ITFG1: variants seen among roughly 807,000 people sequenced by gnomAD.
ITFG1 encodes T-cell immunomodulatory protein.
Under a neutral mutation model 81.8 loss-of-function variants are expected in ITFG1, and 34 were observed. The ratio of observed to expected loss-of-function variants is 0.42; its 90% CI spans 0.32 to 0.55. The LOEUF is 0.55. Among genes scored for constraint, ITFG1 ranks in the 20% least tolerant of loss-of-function variants. ITFG1 has a pLI of 0.17. For synonymous variants in ITFG1, 285 were observed against 270.6 expected (o/e 1.05, Z -0.52); for missense variants, 672 against 755.4 (o/e 0.89, Z 1.29).
intron 10 of ITFG1, among the ~76,000 whole-genome samples, chr16:47,275,706 T>C (rs1966391160): frequency 6.6e-6 from 1 of 152,164 alleles, no homozygotes; most frequent in Non-Finnish European, 1.5e-5. Context: ...CATATATGTA[T>C]ATTTTAACTT....
At chr16:47,405,490 A>G (rs1490202077) in intron 6 of ITFG1, among the ~76,000 whole-genome samples, 1 of 152,208 alleles carries the variant, frequency 6.6e-6, no homozygotes, top group Non-Finnish European at 1.5e-5. Context: ...TTTGTTTAAG[A>G]GCCAATGAAA....
rs550478549 is a variant in ITFG1, at chr16:47,399,441, C to T, written c.656-23501G>A. 3.9e-5 allele frequency among the ~76,000 whole-genome samples: 6 copies of T among 152,218 alleles called. No homozygotes were observed. In the East Asian group the frequency reaches 1.2e-3, roughly 29 times the overall value. On this transcript the variant is annotated intron_variant, in intron 6 of 17. Transcript: ENST00000320640. ...ACAAACAATTAGCCGGGCGTGTTGGCGGGCATCTGTAGTCCCAGCTACTCA... is the reference window on the plus strand; with the variant it reads ...ACAAACAATTAGCCGGGCGTGTTGGTGGGCATCTGTAGTCCCAGCTACTCA...
At chr16:47,316,385 A>T (rs893919292) in intron 8 of ITFG1, among the ~76,000 whole-genome samples, 3 of 152,026 alleles carry the variant, frequency 2.0e-5, no homozygotes, top group African/African-American at 4.8e-5. Flanking sequence ...TTTGAAACAA[A>T]TTTTTTTCGG....
chr16:47,432,864 A>G (rs995374125), intron 5 of ITFG1, among the ~76,000 whole-genome samples: 4 of 152,242 alleles, frequency 2.6e-5, no homozygotes, highest in African/African-American at 9.6e-5. Flanking sequence ...AGTATTTTAA[A>G]TTACTAACAA....
intron 6 of ITFG1, among the ~76,000 whole-genome samples, chr16:47,412,694 T>G: frequency 3.1e-5 from 1 of 32,020 alleles, no homozygotes; most frequent in South Asian, 1.7e-3. Context: ...AGACTCTGTC[T>G]CAAAAAAAAA....
chr16:47,388,559 T>C (rs1968491500), intron 6 of ITFG1, among the ~76,000 whole-genome samples: 2 of 152,026 alleles, frequency 1.3e-5, no homozygotes, highest in Admixed American at 1.3e-4. Context: ...ATACTCCAAA[T>C]GACGGAAGAA....
At chr16:47,336,898 G>A (rs1040596990) in intron 8 of ITFG1, among the ~76,000 whole-genome samples, 2 of 151,676 alleles carry the variant, frequency 1.3e-5, no homozygotes, top group African/African-American at 4.8e-5. Context: ...AGGAGGCGGA[G>A]GTTGCAGTGA....
intron 14 of ITFG1, among the ~76,000 whole-genome samples, chr16:47,200,445 C>T (rs570960801): frequency 7.9e-5 from 12 of 152,230 alleles, no homozygotes; most frequent in African/African-American, 2.9e-4. Flanking sequence ...CAGATATTAA[C>T]AAAAGTGATG....
At chr16:47,406,939 G>GT (rs1382336096) in intron 6 of ITFG1, among the ~76,000 whole-genome samples, 1 of 152,132 alleles carries the variant, frequency 6.6e-6, no homozygotes, top group Non-Finnish European at 1.5e-5. Flanking sequence ...AAGTCCTAAG[G>GT]TTGGACCTTG....
chr16:47,192,911 C>T (rs916078859), intron 14 of ITFG1, among the ~76,000 whole-genome samples: 2 of 152,168 alleles, frequency 1.3e-5, no homozygotes, highest in African/African-American at 4.8e-5. Context: ...GTCTCATTCT[C>T]AGTCTCTAGC....
intron 5 of ITFG1, among the ~76,000 whole-genome samples, chr16:47,431,297 A>G (rs1050634805): frequency 5.3e-5 from 8 of 152,216 alleles, no homozygotes; most frequent in African/African-American, 1.9e-4. Flanking sequence ...GCAAGTGAGC[A>G]TCACCTCATG....
chr16:47,158,569 T>G (rs930408969), intron 17 of ITFG1, among the ~76,000 whole-genome samples: 2 of 152,222 alleles, frequency 1.3e-5, no homozygotes, highest in African/African-American at 4.8e-5. Flanking sequence ...ATTTTTCAGG[T>G]CATTATGAAA....
chr16:47,440,952 A>G (rs984995061), intron 5 of ITFG1, among the ~76,000 whole-genome samples: 3 of 152,198 alleles, frequency 2.0e-5, no homozygotes, highest in African/African-American at 7.2e-5. Context: ...AGACTAATAA[A>G]GAAGAAAAGA....
intron 14 of ITFG1, among the ~76,000 whole-genome samples, chr16:47,210,169 A>G (rs1201980165): frequency 6.6e-6 from 1 of 152,228 alleles, no homozygotes; most frequent in African/African-American, 2.4e-5. Context: ...CACAAGCAAT[A>G]TATAAGTGAT....
At chr16:47,203,319 A>G (rs1166339025) in intron 14 of ITFG1, among the ~76,000 whole-genome samples, 2 of 152,198 alleles carry the variant, frequency 1.3e-5, no homozygotes, top group African/African-American at 4.8e-5. Flanking sequence ...GGCACCAGGA[A>G]CTGGTTTTGT....
intron 14 of ITFG1, among the ~76,000 whole-genome samples, chr16:47,166,763 G>GCGAACATC (rs1555501697): frequency 4.9e-3 from 5 of 1,024 alleles, no homozygotes; most frequent in African/African-American, 0.016. Context: ...GAATGCTTTA[G>GCGAACATC]TTTGCACCCA....
intron 10 of ITFG1, among the ~76,000 whole-genome samples, chr16:47,275,351 G>A (rs1842229331): frequency 6.6e-6 from 1 of 151,940 alleles, no homozygotes; most frequent in Admixed American, 6.6e-5. Context: ...CACTTATGGG[G>A]CTAAATAATA....
rs1964684962 is a variant in ITFG1 at position 47,155,239 on chromosome 16, C to T, written c.*480G>A. The T allele has an allele frequency of 6.6e-6, 1 of 152,606 alleles. No individual in the cohort carries two copies. Among genetic ancestry groups the T allele is most frequent in the South Asian group, 2.1e-4 (1 of 4,842 alleles). The allele number at this position is 152,606 out of a possible 1,614,324, so 9.5% of individuals were successfully genotyped here. A position where few individuals can be genotyped will look rare whatever the true frequency, so the allele number is the denominator to read the frequency against. ...GCTACCAAGTCAGAGTACCCGATCA[C>T]TATATTGTATGCCATCAGTGAGACC... On this transcript the variant is annotated 3_prime_UTR_variant, in exon 18 of 18. Coordinates refer to ENST00000320640, the MANE Select transcript of ITFG1 (RefSeq NM_030790.5).
At chr16:47,199,269 C>CCCAAACCAAACCAAACCAAA (rs138629856) in intron 14 of ITFG1, among the ~76,000 whole-genome samples, 2,188 of 150,720 alleles carry the variant, frequency 0.015, 60 homozygotes, top group African/African-American at 0.05. Context: ...TCCAAAAAAA[C>CCCAAACCAAACCAAACCAAA]CCAAACCAAA....
Sources: allele counts gnomAD v4.1 joint callset (sites outside exome capture counted in the v4.1 genomes callset), GRCh38; gene constraint gnomAD v4.1.1; transcripts MANE v1.5; gene names NCBI Gene and HGNC (gene_info 2026-07-23, HGNC 2026-07-21).